TCF7L2: variants seen among roughly 807,000 people sequenced by gnomAD.
The protein encoded by TCF7L2 is transcription factor 7-like 2.
A neutral mutation model predicts 77.9 loss-of-function variants in TCF7L2; 23 were observed. The ratio of observed to expected loss-of-function variants is 0.30; its 90% CI spans 0.21 to 0.42. TCF7L2 has a LOEUF of 0.42. TCF7L2 is among the 10% of genes least tolerant of loss of function. The pLI, the probability that TCF7L2 is intolerant of heterozygous loss-of-function variation, is 1.00. For missense variants in TCF7L2, 654 were observed against 793.1 expected (o/e 0.82, Z 2.11); for synonymous variants, 413 against 340.2 (o/e 1.21, Z -2.36).
intron 13 of TCF7L2, chr10:113,161,639 T>C: frequency 6.5e-7 from 1 of 1,535,540 alleles, no homozygotes; most frequent in Non-Finnish European, 8.7e-7. Context: ...GCTTCCCTGT[T>C]TGTAGTGCCT....
chr10:113,155,154 T>G (rs10509970), intron 11 of TCF7L2, among the ~76,000 whole-genome samples: 22,828 of 152,148 alleles, frequency 0.15, 2,335 homozygotes, highest in Admixed American at 0.23. Context: ...ATCTTTACCT[T>G]AGGACAACAG....
chr10:113,057,080 G>A (rs2055516762), intron 5 of TCF7L2, among the ~76,000 whole-genome samples: 1 of 152,186 alleles, frequency 6.6e-6, no homozygotes, highest in Admixed American at 6.5e-5. Flanking sequence ...CTTGAGGAAA[G>A]TTGCTGTGAG....
chr10:113,057,127 A>G (rs1226021284), intron 5 of TCF7L2, among the ~76,000 whole-genome samples: 1 of 152,182 alleles, frequency 6.6e-6, no homozygotes, highest in Non-Finnish European at 1.5e-5. Flanking sequence ...TGGTTGCCCA[A>G]ACTGAGAAGC....
intron 5 of TCF7L2, among the ~76,000 whole-genome samples, chr10:113,043,724 C>G (rs985438086): frequency 1.3e-5 from 2 of 152,104 alleles, no homozygotes; most frequent in Non-Finnish European, 2.9e-5. Flanking sequence ...TATAACTAAA[C>G]TCTTTTTCTT....
intron 5 of TCF7L2, among the ~76,000 whole-genome samples, chr10:113,111,352 A>G (rs1263442066): frequency 6.6e-6 from 1 of 152,168 alleles, no homozygotes; most frequent in Non-Finnish European, 1.5e-5. Context: ...CCTAGAACAG[A>G]GCCAGGCATG....
intron 5 of TCF7L2, among the ~76,000 whole-genome samples, chr10:113,061,628 C>G (rs1340808414): frequency 1.3e-5 from 2 of 152,136 alleles, no homozygotes; most frequent in Middle Eastern, 3.2e-3. Flanking sequence ...AAGGGAGGGC[C>G]GTGTCACCTA....
At chr10:113,091,070 T>G (rs759655080) in intron 5 of TCF7L2, among the ~76,000 whole-genome samples, 3 of 152,086 alleles carry the variant, frequency 2.0e-5, no homozygotes, top group Non-Finnish European at 4.4e-5. Flanking sequence ...CCCGGCTAAT[T>G]TTTGTATTTT....
intron 5 of TCF7L2, among the ~76,000 whole-genome samples, chr10:113,132,320 AGTTAGGCACAG>A (rs1430530873): frequency 2.6e-5 from 4 of 152,234 alleles, no homozygotes; most frequent in Admixed American, 2.6e-4. Context: ...GAGATTCGAA[AGTTAGGCACAG>A]GGTATACAAG....
chr10:113,159,133 A>C (rs780761265), intron 12 of TCF7L2, among the ~76,000 whole-genome samples: 12 of 150,030 alleles, frequency 8.0e-5, no homozygotes, highest in Non-Finnish European at 1.3e-4. Flanking sequence ...CAGTATGATT[A>C]TTTTTTCCTT....
At chr10:113,129,771 AGAAAGGGAGGAGGAAGAAAAACTGGCC>A in intron 5 of TCF7L2, 4 of 1,267,600 alleles carry the variant, frequency 3.2e-6, no homozygotes, top group Non-Finnish European at 4.1e-6. Flanking sequence ...TGAGAAAAGC[AGAAAGGGAGGAGGAAGAAAAACTGGCC>A]CAGTCCCATC....
At chr10:113,084,092 T>C (rs2059585834) in intron 5 of TCF7L2, among the ~76,000 whole-genome samples, 1 of 152,190 alleles carries the variant, frequency 6.6e-6, no homozygotes, top group South Asian at 2.1e-4. Context: ...AGAAAATACA[T>C]GAAAATCTGA....
chr10:112,963,786 G>A (rs1205475114), intron 3 of TCF7L2, among the ~76,000 whole-genome samples: 1 of 152,168 alleles, frequency 6.6e-6, no homozygotes, highest in Admixed American at 6.5e-5. Flanking sequence ...GACTTCAGAG[G>A]GAAAGGCTGA....
intron 4 of TCF7L2, among the ~76,000 whole-genome samples, chr10:112,996,717 G>C (rs1255249008): frequency 6.6e-6 from 1 of 152,158 alleles, no homozygotes; most frequent in Non-Finnish European, 1.5e-5. Context: ...TGTTCAGTCA[G>C]AACCCAAAAG....
intron 4 of TCF7L2, among the ~76,000 whole-genome samples, chr10:112,988,974 C>T (rs1212082647): frequency 1.3e-5 from 2 of 152,066 alleles, no homozygotes; most frequent in East Asian, 3.9e-4. Context: ...ACATAGCTAG[C>T]AAGTGGCAGC....
At chr10:113,073,129 T>TGTGTGTGTGTGGGTGA (rs56927661) in intron 5 of TCF7L2, among the ~76,000 whole-genome samples, 1 of 123,484 alleles carries the variant, frequency 8.1e-6, no homozygotes, top group African/African-American at 3.1e-5. Context: ...TGTGTGTGTG[T>TGTGTGTGTGTGGGTGA]GAGAGAGAGA....
At chr10:113,098,391 G>A (rs117578939) in intron 5 of TCF7L2, among the ~76,000 whole-genome samples, 2 of 152,190 alleles carry the variant, frequency 1.3e-5, no homozygotes, top group East Asian at 3.9e-4. Flanking sequence ...TCAAGTGTGA[G>A]ACGTGGGATT....
chr10:113,113,078 T>A (rs2063327939), intron 5 of TCF7L2, among the ~76,000 whole-genome samples: 1 of 152,158 alleles, frequency 6.6e-6, no homozygotes, highest in Non-Finnish European at 1.5e-5. Context: ...ATTGATGTAG[T>A]AGCAGTAGTT....
intron 4 of TCF7L2, among the ~76,000 whole-genome samples, chr10:113,008,077 C>T (rs2045877675): frequency 6.6e-6 from 1 of 152,204 alleles, no homozygotes; most frequent in Non-Finnish European, 1.5e-5. Context: ...TGAAAGCGAC[C>T]CATCGTCTTC....
At chr10:113,104,273 T>C (rs1389335000) in intron 5 of TCF7L2, among the ~76,000 whole-genome samples, 1 of 152,230 alleles carries the variant, frequency 6.6e-6, no homozygotes, top group African/African-American at 2.4e-5. Flanking sequence ...ACACTGCTTT[T>C]GACTTCTCCT....
Sources: allele counts gnomAD v4.1 joint callset (sites outside exome capture counted in the v4.1 genomes callset), GRCh38; gene constraint gnomAD v4.1.1; transcripts MANE v1.5; gene names NCBI Gene and HGNC (gene_info 2026-07-23, HGNC 2026-07-21).